The following ADARB2 variants were observed in gnomAD, a reference collection of about 807,000 sequenced individuals.
The protein encoded by ADARB2 is adenosine deaminase RNA specific B2 (inactive).
A neutral mutation model predicts 62.2 loss-of-function variants in ADARB2; 25 were observed. The observed-to-expected ratio is 0.40, with a 90% CI of 0.29 to 0.56. The LOEUF (loss-of-function observed/expected upper bound fraction) is 0.56. ADARB2 is among the 20% of genes least tolerant of loss of function. ADARB2 has a pLI of 0.43. For missense variants in ADARB2, 1,071 were observed against 1,077.4 expected (o/e 0.99, Z 0.08); for synonymous variants, 572 against 500.8 (o/e 1.14, Z -1.90).
At chr10:1,655,816 T>G (rs11250708) in intron 1 of ADARB2, among the ~76,000 whole-genome samples, 47,583 of 152,138 alleles carry the variant, frequency 0.31, 8,297 homozygotes, top group East Asian at 0.41. Flanking sequence ...TTCAGTAGCA[T>G]CTTTGTTCAA....
intron 3 of ADARB2, among the ~76,000 whole-genome samples, chr10:1,343,570 C>G (rs564283626): frequency 6.6e-6 from 1 of 152,180 alleles, no homozygotes; most frequent in South Asian, 2.1e-4. Flanking sequence ...CACACAGGCA[C>G]GCGCATGTCC....
intron 8 of ADARB2, among the ~76,000 whole-genome samples, chr10:1,195,644 T>C (rs980328246): frequency 1.3e-5 from 2 of 152,090 alleles, no homozygotes; most frequent in African/African-American, 4.8e-5. Context: ...GGGATGGTGC[T>C]ATCAGCCTGA....
At chr10:1,467,875 C>T (rs369949832) in intron 1 of ADARB2, among the ~76,000 whole-genome samples, 33 of 152,146 alleles carry the variant, frequency 2.2e-4, no homozygotes, top group Admixed American at 3.9e-4. Context: ...CTTCCTGAAA[C>T]GAAAGCCGTC....
chr10:1,721,979 G>A (rs1167165040), intron 1 of ADARB2, among the ~76,000 whole-genome samples: 2 of 152,098 alleles, frequency 1.3e-5, no homozygotes, highest in Non-Finnish European at 2.9e-5. Context: ...TCGGGGATTT[G>A]TTTACTATAT....
chr10:1,266,525 T>C (rs1045828857), intron 4 of ADARB2, among the ~76,000 whole-genome samples: 5 of 150,484 alleles, frequency 3.3e-5, no homozygotes, highest in Non-Finnish European at 7.4e-5. Flanking sequence ...GGGGGGGCCG[T>C]GCCCACAAAT....
intron 1 of ADARB2, among the ~76,000 whole-genome samples, chr10:1,638,298 C>T (rs1331876400): frequency 6.6e-6 from 1 of 152,132 alleles, no homozygotes; most frequent in Non-Finnish European, 1.5e-5. Context: ...TGACATATTT[C>T]CCCATTTAGA....
At chr10:1,514,086 C>G (rs1831974180) in intron 1 of ADARB2, among the ~76,000 whole-genome samples, 2 of 148,630 alleles carry the variant, frequency 1.3e-5, no homozygotes, top group South Asian at 4.3e-4. Flanking sequence ...ATTAGCCAGG[C>G]AAATCGCTTG....
chr10:1,617,175 C>T (rs112627848), intron 1 of ADARB2, among the ~76,000 whole-genome samples: 49 of 88,306 alleles, frequency 5.5e-4, no homozygotes, highest in African/African-American at 8.1e-4. Context: ...CCTCAGAGGG[C>T]TGCATTCTGT....
intron 3 of ADARB2, among the ~76,000 whole-genome samples, chr10:1,334,772 T>C (rs960676979): frequency 1.3e-5 from 2 of 152,226 alleles, no homozygotes; most frequent in African/African-American, 4.8e-5. Context: ...AACGTCTTTG[T>C]GAAGCACCTG....
chr10:1,563,922 T>A (rs1212746062), intron 1 of ADARB2, among the ~76,000 whole-genome samples: 1 of 149,958 alleles, frequency 6.7e-6, no homozygotes, highest in Non-Finnish European at 1.5e-5. Context: ...AGAATGATGA[T>A]TTCCAATTTC....
Position 1,233,826 on chromosome 10 carries a change from C to CTGAG in ADARB2, c.1377_1380dup (p.Glu461LeufsTer166), listed in dbSNP as rs768483385. The CTGAG allele has an allele frequency of 6.2e-7, 1 of 1,613,992 alleles. No homozygotes were observed. Among genetic ancestry groups the CTGAG allele is most frequent in the Non-Finnish European group, 8.5e-7 (1 of 1,179,944 alleles). On this transcript the variant is annotated frameshift_variant, in exon 6 of 10. Coordinates refer to ENST00000381312, the MANE Select transcript of ADARB2 (RefSeq NM_018702.4). LOFTEE classifies it high-confidence loss of function. ...TTTAACCGCACGAATATCGATCGCT[C>CTGAG]TGAGTCCTCGCGCCGCTTGCTAGGG...
intron 6 of ADARB2, among the ~76,000 whole-genome samples, chr10:1,225,467 G>C (rs1176882627): frequency 2.0e-5 from 3 of 152,206 alleles, no homozygotes; most frequent in Admixed American, 2.0e-4. Context: ...ATGTTAGCTG[G>C]TTATTTTGCT....
At chr10:1,262,318 A>ATAATAATAATAT in intron 4 of ADARB2, among the ~76,000 whole-genome samples, 1 of 142,084 alleles carries the variant, frequency 7.0e-6, no homozygotes, top group Non-Finnish European at 1.5e-5. Flanking sequence ...AATAATAATA[A>ATAATAATAATAT]TAAAAGAAAC....
chr10:1,340,876 G>C (rs1174424462), intron 3 of ADARB2, among the ~76,000 whole-genome samples: 1 of 151,172 alleles, frequency 6.6e-6, no homozygotes, highest in Non-Finnish European at 1.5e-5. Context: ...ATCCACCAGA[G>C]AACCACGCGC....
At chr10:1,556,512 G>A in intron 1 of ADARB2, 1 of 373,336 alleles carries the variant, frequency 2.7e-6, no homozygotes, top group South Asian at 2.0e-5. Context: ...CGCAAACTTT[G>A]CTGTGCATTC....
At chr10:1,653,879 G>A (rs1052423637) in intron 1 of ADARB2, among the ~76,000 whole-genome samples, 1 of 152,166 alleles carries the variant, frequency 6.6e-6, no homozygotes, top group Non-Finnish European at 1.5e-5. Context: ...GCTTGCGATT[G>A]AAAGGCCGCC....
intron 2 of ADARB2, among the ~76,000 whole-genome samples, chr10:1,376,985 G>T (rs1419980950): frequency 2.1e-5 from 3 of 146,084 alleles, no homozygotes; most frequent in African/African-American, 7.6e-5. Flanking sequence ...GGGTGTGTGT[G>T]TGTGGTGCGT....
At chr10:1,705,741 A>G (rs1834881323) in intron 1 of ADARB2, among the ~76,000 whole-genome samples, 1 of 152,214 alleles carries the variant, frequency 6.6e-6, no homozygotes, top group African/African-American at 2.4e-5. Flanking sequence ...AGGCCTCTCA[A>G]TATTGTGCTG....
At chr10:1,227,850 A>T (rs1347628080) in intron 6 of ADARB2, among the ~76,000 whole-genome samples, 5 of 152,234 alleles carry the variant, frequency 3.3e-5, no homozygotes, top group African/African-American at 1.2e-4. Context: ...TCTGCCTGTG[A>T]AGCAACCTAG....
Sources: gnomAD v4.1 joint callset for allele counts (sites outside exome capture counted in the v4.1 genomes callset) on GRCh38, gnomAD v4.1.1 for gene constraint, MANE v1.5 for transcripts, NCBI Gene and HGNC (gene_info 2026-07-23, HGNC 2026-07-21) for gene names.